The following CLSPN variants were observed in gnomAD, a reference collection of about 807,000 sequenced individuals.
CLSPN encodes the protein claspin, also known as claspin homolog.
A neutral mutation model predicts 156.3 loss-of-function variants in CLSPN; 85 were observed. The observed-to-expected ratio is 0.54, with a 90% CI of 0.46 to 0.65. The LOEUF (loss-of-function observed/expected upper bound fraction) is 0.65. CLSPN is among the 30% of genes least tolerant of loss of function. The pLI, the probability that CLSPN is intolerant of heterozygous loss-of-function variation, is 0.00. For synonymous variants in CLSPN, 534 were observed against 542.4 expected (o/e 0.98, Z 0.22); for missense variants, 1,407 against 1,554.9 (o/e 0.90, Z 1.60).
At chr1:35,753,512 C>T (rs555158285) in intron 9 of CLSPN, among the ~76,000 whole-genome samples, 10 of 149,846 alleles carry the variant, frequency 6.7e-5, no homozygotes, top group African/African-American at 2.5e-4. Context: ...ATATATTTGT[C>T]TATAATGGGG....
Position 35,745,566 on chromosome 1 carries a change from C to T in CLSPN, c.2855-4G>A, listed in dbSNP as rs993778972. ...GATGAGGCTGGAGTGGAGGCATCTACATCACAACAAGGAAAAGATGTGTCA... is the reference window on the plus strand; with the variant it reads ...GATGAGGCTGGAGTGGAGGCATCTATATCACAACAAGGAAAAGATGTGTCA... On this transcript the variant is annotated splice_region_variant and splice_polypyrimidine_tract_variant and intron_variant, in intron 15 of 24. Coordinates refer to ENST00000318121, the MANE Select transcript of CLSPN (RefSeq NM_022111.4). The T allele has an allele frequency of 1.9e-6, 3 of 1,589,622 alleles. No individual in the cohort carries two copies. The highest frequency in any genetic ancestry group is 2.7e-5 in the African/African-American group (2 of 74,382).
Position 35,764,598 on chromosome 1 carries a change from C to T in CLSPN, c.250G>A (p.Ala84Thr). Reference sequence around the variant, plus strand: ...AAATTCTCTTTATTTTCCTCCTCGGCACTGTCATAGGTAGTTTTCTCTGGA... The same window carrying T: ...AAATTCTCTTTATTTTCCTCCTCGGTACTGTCATAGGTAGTTTTCTCTGGA... ...ASPEKTTYDSAEEENKENLYA... is the reference protein window; with the variant it reads ...ASPEKTTYDSTEEENKENLYA... The change falls in exon 3 of 25, where the codon GCC (alanine) becomes ACC (threonine). Residue 84 changes from alanine to threonine, a missense_variant. Transcript: ENST00000318121. 1 of 1,613,890 alleles carries T rather than the reference C, an allele frequency of 6.2e-7. No homozygotes were observed. Among genetic ancestry groups the T allele is most frequent in the Non-Finnish European group, 8.5e-7 (1 of 1,179,900 alleles).
chr1:35,736,289 T>C lies in CLSPN; in HGVS notation c.*207A>G. On this transcript the variant is annotated 3_prime_UTR_variant, in exon 25 of 25. Transcript: ENST00000318121. ...TGTTGATGTTGTAAATACTGCAGAATTGAAATCAGTGGCCAATTCAGGGAA... is the reference window on the plus strand; with the variant it reads ...TGTTGATGTTGTAAATACTGCAGAACTGAAATCAGTGGCCAATTCAGGGAA... The C allele has an allele frequency of 8.4e-7, 1 of 1,196,796 alleles. No homozygotes were observed. Among genetic ancestry groups the C allele is most frequent in the Non-Finnish European group, 1.0e-6 (1 of 965,940 alleles). The allele number at this position is 1,196,796 out of a possible 1,614,324, so 74.1% of individuals were successfully genotyped here. A position where few individuals can be genotyped will look rare whatever the true frequency, so the allele number is the denominator to read the frequency against.
intron 9 of CLSPN, among the ~76,000 whole-genome samples, chr1:35,752,231 T>C (rs1458478029): frequency 6.6e-6 from 1 of 152,076 alleles, no homozygotes; most frequent in East Asian, 1.9e-4. Flanking sequence ...AATACGAGTA[T>C]GGTTTAATGA....
chr1:35,725,167 C>T (rs2148606251), intron 24 of CLSPN, among the ~76,000 whole-genome samples: 1 of 152,312 alleles, frequency 6.6e-6, no homozygotes, highest in African/African-American at 2.4e-5. Context: ...CAGGGCACAG[C>T]TGCAAATCCA....
At chr1:35,739,577 A>C in intron 18 of CLSPN, 48 bp from the exon 19 acceptor site, 59 of 1,431,432 alleles carry the variant, frequency 4.1e-5, no homozygotes, top group Non-Finnish European at 5.3e-5. Context: ...GAATATACTC[A>C]CAGAATATGG....
In CLSPN at chr1:35,736,383, T is replaced by C. The variant is rs1307529832; in HGVS notation, c.*113A>G. The C allele has an allele frequency of 7.0e-6, 10 of 1,436,348 alleles. No individual in the cohort carries two copies. The East Asian group carries it at 2.0e-4, about 28-fold the overall frequency. The allele number at this position is 1,436,348 out of a possible 1,614,324, so 89.0% of individuals were successfully genotyped here. A position where few individuals can be genotyped will look rare whatever the true frequency, so the allele number is the denominator to read the frequency against. On this transcript the variant is annotated 3_prime_UTR_variant, in exon 25 of 25. Coordinates refer to ENST00000318121, the MANE Select transcript of CLSPN (RefSeq NM_022111.4). ...ACTGGAATTTCTGTCTGCAATCTTA[T>C]TGCATTGATTATGAAAGAAGGAAGG...
intron 6 of CLSPN, 89 bp from the exon 7 acceptor site, chr1:35,761,293 G>A (rs1642468974): frequency 3.7e-6 from 3 of 809,868 alleles, no homozygotes; most frequent in Non-Finnish European, 5.7e-6. Context: ...AATAACCAAA[G>A]CCATCACTAG....
chr1:35,751,802 T>C (rs1363749421), intron 9 of CLSPN, among the ~76,000 whole-genome samples: 4 of 152,116 alleles, frequency 2.6e-5, no homozygotes, highest in Non-Finnish European at 4.4e-5. Context: ...AAGAAAAACA[T>C]TGATAAATTT....
At chr1:35,726,811 T>C (rs1270162632) in intron 24 of CLSPN, among the ~76,000 whole-genome samples, 1 of 152,202 alleles carries the variant, frequency 6.6e-6, no homozygotes, top group African/African-American at 2.4e-5. Flanking sequence ...GTAGGAAGAC[T>C]GATTGGCCTT....
chr1:35,763,947 C>T (rs547233635), intron 3 of CLSPN, among the ~76,000 whole-genome samples: 47 of 152,010 alleles, frequency 3.1e-4, no homozygotes, highest in Admixed American at 2.3e-3. Flanking sequence ...GCTGGGACTA[C>T]GGCCACCACA....
At chr1:35,720,737 T>A in exon 25 of CLSPN, 2 of 498,958 alleles carry the variant, frequency 4.0e-6, no homozygotes, top group Non-Finnish European at 7.1e-6. Context: ...TGAGCCACCA[T>A]GCCTGGCCCA....
rs375988658 is a variant in CLSPN at position 35,733,841 on chromosome 1, G to A, written c.*2655C>T. On this transcript the variant is annotated 3_prime_UTR_variant, in exon 25 of 25. Transcript: ENST00000318121. ...AAAATAAAATAATTAGCTGGGCATG[G>A]TGGCATATGCCTGTAATGTGGCCCA... 4.0e-5 allele frequency: 20 copies of A among 503,718 alleles called. No homozygotes were observed. In the East Asian group the frequency reaches 2.2e-3, roughly 55 times the overall value. 31.2% of individuals were successfully genotyped at this position (503,718 alleles called of 1,614,324 possible).
rs528853606 is a variant in CLSPN, at chr1:35,732,808, T to C, written c.*3688A>G. ...TTGGGCAAAGGGCATATGGGTCAGA[T>C]TGAAACTGTCCATGTCAATCCTGTT... On this transcript the variant is annotated 3_prime_UTR_variant, in exon 25 of 25. Coordinates refer to ENST00000318121, the MANE Select transcript of CLSPN (RefSeq NM_022111.4). 3.0e-6 allele frequency: 3 copies of C among 985,430 alleles called. No individual in the cohort carries two copies. The highest frequency in any genetic ancestry group is 9.4e-5 in the South Asian group (2 of 21,290). 61.0% of individuals were successfully genotyped at this position (985,430 alleles called of 1,614,324 possible). A position where few individuals can be genotyped will look rare whatever the true frequency, so the allele number is the denominator to read the frequency against.
chr1:35,723,501 C>G (rs1641118242), intron 24 of CLSPN, among the ~76,000 whole-genome samples: 1 of 152,170 alleles, frequency 6.6e-6, no homozygotes, highest in Middle Eastern at 3.2e-3. Context: ...TGGATAATTT[C>G]TCAATATCAG....
chr1:35,721,684 G>A (rs1459218330), intron 24 of CLSPN, among the ~76,000 whole-genome samples: 2 of 151,968 alleles, frequency 1.3e-5, no homozygotes, highest in Admixed American at 1.3e-4. Context: ...CACTGTGCCT[G>A]GCCGATGCTA....
intron 17 of CLSPN, 99 bp from the exon 18 acceptor site, chr1:35,743,340 A>C (rs1641760740): frequency 1.5e-6 from 2 of 1,371,282 alleles, no homozygotes; most frequent in Non-Finnish European, 2.1e-6. Context: ...ATTCTAGGAA[A>C]TTGTTTCTGA....
downstream of CLSPN, among the ~76,000 whole-genome samples, chr1:35,731,415 G>A (rs1474782051): frequency 1.3e-5 from 2 of 152,120 alleles, no homozygotes; most frequent in Non-Finnish European, 2.9e-5. Flanking sequence ...ACAGCAGGTT[G>A]GGAGGCAGAG....
intron 21 of CLSPN, 117 bp downstream of exon 21, chr1:35,738,338 G>A: frequency 9.7e-7 from 1 of 1,032,040 alleles, no homozygotes; most frequent in Non-Finnish European, 1.4e-6. Context: ...GATTAAAAGA[G>A]ATAGCAATAT....
Sources: gnomAD v4.1 joint callset for allele counts (sites outside exome capture counted in the v4.1 genomes callset) on GRCh38, gnomAD v4.1.1 for gene constraint, MANE v1.5 for transcripts, NCBI Gene and HGNC (gene_info 2026-07-23, HGNC 2026-07-21) for gene names.